The following DLG2 variants were observed in gnomAD, a reference collection of about 807,000 sequenced individuals.
DLG2 encodes discs large MAGUK scaffold protein 2.
Under a neutral mutation model 132.5 loss-of-function variants are expected in DLG2, and 45 were observed. The ratio of observed to expected loss-of-function variants is 0.34; its 90% CI spans 0.27 to 0.44. The LOEUF (loss-of-function observed/expected upper bound fraction) is 0.44, where lower values mean the gene tolerates loss of function less well. Among genes scored for constraint, DLG2 ranks in the 20% least tolerant of loss-of-function variants. The pLI is 1.00. For synonymous variants in DLG2, 424 were observed against 419.6 expected, an observed-to-expected ratio of 1.01 and a Z score of -0.13; for missense variants, 1,045 against 1,196.9, an observed-to-expected ratio of 0.87 and a Z score of 1.87.
At chr11:84,962,234 A>G (rs1251969845) in intron 6 of DLG2, among the ~76,000 whole-genome samples, 1 of 152,224 alleles carries the variant, frequency 6.6e-6, no homozygotes, top group African/African-American at 2.4e-5. Context: ...CACGAGGGAG[A>G]GTAACTTGCT....
intron 6 of DLG2, among the ~76,000 whole-genome samples, chr11:84,676,796 T>C (rs1046974199): frequency 5.9e-5 from 9 of 152,016 alleles, no homozygotes; most frequent in Admixed American, 1.3e-4. Context: ...CTGTAATATG[T>C]GCTCAAAGAA....
chr11:83,502,247 C>T (rs1172457748), intron 21 of DLG2, among the ~76,000 whole-genome samples: 1 of 152,092 alleles, frequency 6.6e-6, no homozygotes, highest in Non-Finnish European at 1.5e-5. Context: ...TAAGGGTTTA[C>T]ACAACTAGGA....
At chr11:85,273,747 A>G (rs1471053317) in intron 4 of DLG2, among the ~76,000 whole-genome samples, 2 of 152,212 alleles carry the variant, frequency 1.3e-5, no homozygotes, top group Non-Finnish European at 2.9e-5. Context: ...CAACCATCCC[A>G]TTACTGGGTA....
chr11:84,580,483 A>G (rs896745181), intron 6 of DLG2, among the ~76,000 whole-genome samples: 1 of 152,144 alleles, frequency 6.6e-6, no homozygotes, highest in African/African-American at 2.4e-5. Flanking sequence ...GAAACATTTA[A>G]ACAAGACTGC....
intron 9 of DLG2, among the ~76,000 whole-genome samples, chr11:84,108,289 C>T (rs1176985823): frequency 6.6e-6 from 1 of 151,940 alleles, no homozygotes; most frequent in Non-Finnish European, 1.5e-5. Context: ...TAGTAAAGGT[C>T]AAGTTATAAG....
At chr11:83,523,316 A>G (rs548958474) in intron 21 of DLG2, among the ~76,000 whole-genome samples, 192 of 152,322 alleles carry the variant, frequency 1.3e-3, no homozygotes, top group South Asian at 0.011. Context: ...TGATAAAACT[A>G]TACTTGTTAT....
chr11:83,741,551 A>G (rs2092512834), intron 18 of DLG2, among the ~76,000 whole-genome samples: 1 of 152,196 alleles, frequency 6.6e-6, no homozygotes, highest in African/African-American at 2.4e-5. Context: ...AATCCCACAT[A>G]TAATAGCCAC....
Position 84,714,623 on chromosome 11 carries a change from TTCTC to T in DLG2, c.358-179896_358-179893del, listed in dbSNP as rs1284319609. Among the ~76,000 whole-genome samples the T allele has an allele frequency of 6.3e-3, 661 of 104,888 alleles. 5 individuals carry two copies. The highest frequency in any genetic ancestry group is 0.03 in the Middle Eastern group (7 of 230). 68.8% of individuals were successfully genotyped at this position (104,888 alleles called of 152,430 possible). A position where few individuals can be genotyped will look rare whatever the true frequency, so the allele number is the denominator to read the frequency against. On this transcript the variant is annotated intron_variant, in intron 6 of 27. Transcript: ENST00000376104. ...TTTCTCTTTCTCTTTCTCTTTCTCT[TTCTC>T]TCTCTCTCTCTCTCTCTCTTTCTCT...
At chr11:84,868,847 G>C (rs1245763832) in intron 6 of DLG2, among the ~76,000 whole-genome samples, 2 of 152,158 alleles carry the variant, frequency 1.3e-5, no homozygotes, top group Non-Finnish European at 2.9e-5. Flanking sequence ...GCAAGGTGCT[G>C]GGCATATAGT....
intron 3 of DLG2, among the ~76,000 whole-genome samples, chr11:85,535,568 C>T (rs2075525980): frequency 2.6e-5 from 4 of 152,024 alleles, no homozygotes; most frequent in Admixed American, 1.3e-4. Context: ...CATTGAAAAA[C>T]AGTTTGGCAG....
In DLG2 at chr11:84,165,527, C is replaced by A. The variant is rs372609674; in HGVS notation, c.574-2016G>T. Among the ~76,000 whole-genome samples the A allele has an allele frequency of 2.0e-5, 3 of 152,236 alleles. No individual in the cohort carries two copies. The East Asian group carries it at 5.8e-4, about 29-fold the overall frequency. ...CATTTTCAACTCAAGAAAATAATAT[C>A]ATTTGTCTAATTCAACAGTATCCAG... On this transcript the variant is annotated intron_variant, in intron 8 of 27. Transcript: ENST00000376104.
chr11:85,064,788 T>G lies in DLG2; in HGVS notation c.357+46873A>C, dbSNP rs2064655528. Reference sequence around the variant, plus strand: ...GGTCTTATCCAATTAATTAAAGGCCTTAAGAGCAAAGACTGAGGATCCCCA... The same window carrying G: ...GGTCTTATCCAATTAATTAAAGGCCGTAAGAGCAAAGACTGAGGATCCCCA... On this transcript the variant is annotated intron_variant, in intron 6 of 27. Coordinates refer to ENST00000376104, the MANE Select transcript of DLG2 (RefSeq NM_001142699.3). Among the ~76,000 whole-genome samples the G allele has an allele frequency of 2.0e-5, 3 of 151,682 alleles. No individual in the cohort carries two copies. In the South Asian group the frequency reaches 6.2e-4, roughly 31 times the overall value.
At chr11:84,503,646 C>G (rs1368320823) in intron 7 of DLG2, among the ~76,000 whole-genome samples, 1 of 152,178 alleles carries the variant, frequency 6.6e-6, no homozygotes, top group African/African-American at 2.4e-5. Flanking sequence ...GCCACATGTT[C>G]CAGCTCCAGG....
intron 18 of DLG2, among the ~76,000 whole-genome samples, chr11:83,746,255 C>T (rs1389697082): frequency 6.6e-6 from 1 of 152,160 alleles, no homozygotes; most frequent in Non-Finnish European, 1.5e-5. Flanking sequence ...ATAAATCATG[C>T]TGCTATAAAG....
intron 19 of DLG2, among the ~76,000 whole-genome samples, chr11:83,551,383 C>T (rs1274307229): frequency 1.3e-5 from 2 of 152,102 alleles, no homozygotes; most frequent in Non-Finnish European, 2.9e-5. Context: ...CTAGTACGGT[C>T]CCTAGCTCAG....
At chr11:85,312,280 T>C (rs1356697196) in intron 3 of DLG2, among the ~76,000 whole-genome samples, 2 of 151,718 alleles carry the variant, frequency 1.3e-5, no homozygotes, top group African/African-American at 2.4e-5. Flanking sequence ...ATACCATCCA[T>C]ATTACTTAGG....
intron 6 of DLG2, among the ~76,000 whole-genome samples, chr11:84,541,953 C>T (rs1027282168): frequency 1.3e-5 from 2 of 152,132 alleles, no homozygotes; most frequent in Admixed American, 6.5e-5. Context: ...TGATCTGTCA[C>T]TGGAGGTTCT....
intron 6 of DLG2, chr11:84,545,128 T>C: frequency 2.2e-6 from 1 of 446,342 alleles, no homozygotes; most frequent in Admixed American, 2.5e-5. Flanking sequence ...TTCTTTGCAG[T>C]AATTAGAATT....
chr11:83,579,733 G>A (rs1279085843), intron 19 of DLG2, among the ~76,000 whole-genome samples: 1 of 152,094 alleles, frequency 6.6e-6, no homozygotes, highest in Non-Finnish European at 1.5e-5. Context: ...CACTTTGGGA[G>A]GCTGAGGCAG....
Sources: allele counts gnomAD v4.1 joint callset (sites outside exome capture counted in the v4.1 genomes callset), GRCh38; gene constraint gnomAD v4.1.1; transcripts MANE v1.5; gene names NCBI Gene and HGNC (gene_info 2026-07-23, HGNC 2026-07-21).